The following STX12 variants were observed in gnomAD, a reference collection of about 807,000 sequenced individuals.
STX12 encodes the protein syntaxin-12.
A neutral mutation model predicts 42.2 loss-of-function variants in STX12; 17 were observed. That is an observed-to-expected ratio of 0.40 (90% CI 0.28 to 0.60). The LOEUF (loss-of-function observed/expected upper bound fraction) is 0.60, where lower values mean the gene tolerates loss of function less well. Ranked by LOEUF, STX12 falls within the 20% of genes least tolerant of loss-of-function variation. The pLI is 0.39. For synonymous variants in STX12, 108 were observed against 116.7 expected (o/e 0.93, Z 0.48); for missense variants, 297 against 330.9 (o/e 0.90, Z 0.79).
chr1:27,805,849 A>G (rs2088859605), intron 4 of STX12, among the ~76,000 whole-genome samples: 2 of 152,186 alleles, frequency 1.3e-5, no homozygotes, highest in Admixed American at 1.3e-4. Flanking sequence ...AACCTTGTTG[A>G]TACTCTTCTT....
At chr1:27,783,554 A>G (rs959629427) in intron 1 of STX12, among the ~76,000 whole-genome samples, 1 of 151,990 alleles carries the variant, frequency 6.6e-6, no homozygotes, top group Non-Finnish European at 1.5e-5. Context: ...GCCTTGTCTC[A>G]AAACTCCTGA....
At chr1:27,821,468 AAAT>A (rs2088983991) in intron 8 of STX12, among the ~76,000 whole-genome samples, 1 of 152,182 alleles carries the variant, frequency 6.6e-6, no homozygotes, top group Non-Finnish European at 1.5e-5. Flanking sequence ...CAGTTATGTC[AAAT>A]AATATACATA....
chr1:27,812,327 T>C, intron 6 of STX12, 59 bp downstream of exon 6: 1 of 1,201,242 alleles, frequency 8.3e-7, no homozygotes, highest in Admixed American at 2.1e-5. Context: ...TCTGAACTCC[T>C]TAGTTCACTT....
chr1:27,809,208 C>T (rs889734710), intron 4 of STX12, among the ~76,000 whole-genome samples: 5 of 151,858 alleles, frequency 3.3e-5, no homozygotes, highest in African/African-American at 7.3e-5. Flanking sequence ...GTGGCGTGCA[C>T]CTGTAGTCCC....
In STX12 at chr1:27,819,687, C is replaced by G; in HGVS notation, c.687C>G (p.His229Gln). The G allele has an allele frequency of 6.2e-7, 1 of 1,613,856 alleles. No individual in the cohort carries two copies. The highest frequency in any genetic ancestry group is 8.5e-7 in the Non-Finnish European group (1 of 1,179,850). Reference protein sequence around the residue: ...IEANVESSEVHVERATEQLQR... With the variant: ...IEANVESSEVQVERATEQLQR... The stretch of plus-strand genomic sequence containing the variant: ...CCAATGTGGAAAGCTCAGAGGTGCA[C>G]GTCGAAAGAGCCACTGAACAGTTAC... Residue 229 changes from histidine (H) to glutamine (Q), a missense_variant, in exon 8 of 9, where the codon CAC becomes CAG. Transcript: ENST00000373943.
chr1:27,795,983 T>C (rs553082071), intron 3 of STX12, among the ~76,000 whole-genome samples: 16 of 152,178 alleles, frequency 1.1e-4, no homozygotes, highest in Non-Finnish European at 2.1e-4. Context: ...GTAGTGAAAG[T>C]ATTTAAGAGT....
rs79262050 is a variant in STX12 at position 27,810,374 on chromosome 1, A to G, written c.470+85A>G. ...TTTTAATTTTAAAAATCAATGAAAA[A>G]ATAGAGGGCAAAAATAAGGGGGCAC... On this transcript the variant is annotated intron_variant, in intron 5 of 8. Coordinates refer to ENST00000373943, the MANE Select transcript of STX12 (RefSeq NM_177424.3). 6,469 of 1,322,756 alleles carry G rather than the reference A, an allele frequency of 4.9e-3. 182 individuals are homozygous for G. In the African/African-American group the frequency reaches 0.075, roughly 15 times the overall value. The allele number at this position is 1,322,756 out of a possible 1,614,324, so 81.9% of individuals were successfully genotyped here. A position where few individuals can be genotyped will look rare whatever the true frequency, so the allele number is the denominator to read the frequency against.
At position 27,808,336 on chromosome 1, in the gene STX12, T is replaced by G. The variant is rs192628103; in HGVS notation, c.427-1910T>G. Among the ~76,000 whole-genome samples, 9 of 150,694 alleles carry G rather than the reference T, an allele frequency of 6.0e-5. No individual in the cohort carries two copies. The East Asian group carries it at 1.7e-3, about 29-fold the overall frequency. ...TTTTATTTATTTATTTATTTATTTA[T>G]TTATTTATTTATTTATTTATTCTGA... On this transcript the variant is annotated intron_variant, in intron 4 of 8. Transcript: ENST00000373943.
In STX12 at chr1:27,817,803, T is replaced by A. The variant is rs747717333; in HGVS notation, c.577-48T>A. On this transcript the variant is annotated intron_variant, in intron 6 of 8. Transcript: ENST00000373943. ...TTTAGGTACGTGAGGGAAACAAATC[T>A]TCTAACATGTTGCTTAATGTTAGTT... 69 of 1,556,236 alleles carry A rather than the reference T, an allele frequency of 4.4e-5. 1 individual carries two copies. In the South Asian group the frequency reaches 6.3e-4, roughly 14 times the overall value.
At chr1:27,814,570 C>T (rs542629601) in intron 6 of STX12, among the ~76,000 whole-genome samples, 186 of 151,370 alleles carry the variant, frequency 1.2e-3, no homozygotes, top group African/African-American at 4.3e-3. Context: ...AATTACTAGC[C>T]GGGCGCGGTG....
intron 3 of STX12, 38 bp downstream of exon 3, chr1:27,793,670 C>A: frequency 6.4e-7 from 1 of 1,557,500 alleles, no homozygotes; most frequent in Non-Finnish European, 8.8e-7. Flanking sequence ...TAGGAAAGGA[C>A]TTTGTGTTAG....
chr1:27,786,188 C>T (rs2088696937), intron 1 of STX12, among the ~76,000 whole-genome samples: 1 of 152,208 alleles, frequency 6.6e-6, no homozygotes, highest in Admixed American at 6.5e-5. Context: ...TGGGTCCCTA[C>T]TACCTCCTTG....
At chr1:27,778,957 G>A (rs569480368) in intron 1 of STX12, among the ~76,000 whole-genome samples, 2 of 152,170 alleles carry the variant, frequency 1.3e-5, no homozygotes, top group East Asian at 1.9e-4. Context: ...CGGGGGTCTC[G>A]CTGTGTTGCC....
At chr1:27,781,910 C>T (rs535060298) in intron 1 of STX12, among the ~76,000 whole-genome samples, 2 of 152,136 alleles carry the variant, frequency 1.3e-5, no homozygotes, top group Admixed American at 1.3e-4. Context: ...TAATTGAGTG[C>T]TTTTATGTGC....
intron 4 of STX12, among the ~76,000 whole-genome samples, chr1:27,803,458 A>T (rs1247171038): frequency 1.3e-5 from 2 of 152,222 alleles, no homozygotes; most frequent in African/African-American, 4.8e-5. Context: ...TTCTAAACCC[A>T]GTGAAAATAT....
At chr1:27,792,028 A>G (rs1461531560) in intron 2 of STX12, among the ~76,000 whole-genome samples, 3 of 144,794 alleles carry the variant, frequency 2.1e-5, no homozygotes, top group Non-Finnish European at 3.0e-5. Context: ...AAATATATAT[A>G]AAATATAAAT....
chr1:27,809,298 CGA>C (rs758357651), intron 4 of STX12, among the ~76,000 whole-genome samples: 149,805 of 149,806 alleles, frequency 1, 74,902 homozygotes, highest in Middle Eastern at 1. Flanking sequence ...TCGTGCCACT[CGA>C]TCCAGCCTCG....
At chr1:27,801,936 G>A (rs2148603631) in intron 4 of STX12, 121 bp downstream of exon 4, 3 of 1,268,066 alleles carry the variant, frequency 2.4e-6, no homozygotes, top group Non-Finnish European at 3.2e-6. Flanking sequence ...GAAAATGGCA[G>A]GTTGGTGTAA....
chr1:27,796,703 GTT>G (rs113275488), intron 3 of STX12, among the ~76,000 whole-genome samples: 11 of 136,550 alleles, frequency 8.1e-5, no homozygotes, highest in Non-Finnish European at 9.6e-5. Context: ...TTTGTAAAGA[GTT>G]TTTTTTTTTT....
Sources: gnomAD v4.1 joint callset for allele counts (sites outside exome capture counted in the v4.1 genomes callset) on GRCh38, gnomAD v4.1.1 for gene constraint, MANE v1.5 for transcripts, NCBI Gene and HGNC (gene_info 2026-07-23, HGNC 2026-07-21) for gene names.